The following RTL4 variants were observed in gnomAD, a reference collection of about 807,000 sequenced individuals.
RTL4 encodes the protein retrotransposon Gag like 4, also known as retrotransposon Gag-like protein 4.
In RTL4, 4 loss-of-function variants were observed where a neutral mutation model predicts 5.3. The ratio of observed to expected loss-of-function variants is 0.75; its 90% CI spans 0.37 to 1.72. The LOEUF (loss-of-function observed/expected upper bound fraction) is 1.72. Among genes scored for constraint, RTL4 ranks in the 40% most tolerant of loss-of-function variants. RTL4 has a pLI of 0.04. For synonymous variants in RTL4, 98 were observed against 87.3 expected (o/e 1.12, Z -0.68); for missense variants, 260 against 227.1 (o/e 1.14, Z -0.93).
chrX:112,425,889 C>A, the RTL4 span, among the ~76,000 whole-genome samples: 1 of 111,408 alleles, frequency 9.0e-6, no homozygotes, highest in Non-Finnish European at 1.9e-5. Flanking sequence ...CTTATCTTCC[C>A]ACTCTCTTAA....
chrX:112,328,931 G>A, the RTL4 span, among the ~76,000 whole-genome samples: 1 of 111,609 alleles, frequency 9.0e-6, no homozygotes, highest in Non-Finnish European at 1.9e-5. Context: ...CGAAATGAAG[G>A]CAAAAATAAA....
the RTL4 span, among the ~76,000 whole-genome samples, chrX:112,195,980 A>C: frequency 3.6e-4 from 40 of 111,481 alleles, no homozygotes; most frequent in African/African-American, 1.3e-3. Flanking sequence ...GTAGGGAGAG[A>C]TCTAACGCAC....
the RTL4 span, among the ~76,000 whole-genome samples, chrX:112,108,781 C>T: frequency 1.8e-5 from 2 of 111,013 alleles, no homozygotes; most frequent in African/African-American, 3.3e-5. Flanking sequence ...CTGGGCCATC[C>T]GAATTCATCC....
the RTL4 span, among the ~76,000 whole-genome samples, chrX:112,131,247 T>C: frequency 9.1e-6 from 1 of 110,419 alleles, no homozygotes; most frequent in Non-Finnish European, 1.9e-5. Context: ...GTTTCTGCTT[T>C]AAAGGAGACT....
the RTL4 span, among the ~76,000 whole-genome samples, chrX:112,127,057 T>G: frequency 3.6e-5 from 4 of 111,795 alleles, no homozygotes; most frequent in Non-Finnish European, 7.5e-5. Flanking sequence ...GCGAACACTT[T>G]TAATTTATTT....
the RTL4 span, among the ~76,000 whole-genome samples, chrX:112,171,894 A>G: frequency 6.2e-5 from 7 of 112,547 alleles, no homozygotes; most frequent in Admixed American, 6.6e-4. Context: ...TCTGCATGGC[A>G]AAATAAACTA....
At chrX:112,266,359 G>A in the RTL4 span, among the ~76,000 whole-genome samples, 1 of 111,051 alleles carries the variant, frequency 9.0e-6, no homozygotes, top group Non-Finnish European at 1.9e-5. Flanking sequence ...ACGACTGCAG[G>A]AGAAGGTCCA....
chrX:112,328,687 C>A, the RTL4 span, among the ~76,000 whole-genome samples: 2 of 111,898 alleles, frequency 1.8e-5, no homozygotes, highest in Non-Finnish European at 3.8e-5. Context: ...ATCTCCACCC[C>A]AAATCAACAG....
At chrX:112,397,673 C>T in the RTL4 span, among the ~76,000 whole-genome samples, 4 of 111,855 alleles carry the variant, frequency 3.6e-5, no homozygotes, top group Non-Finnish European at 7.5e-5. Flanking sequence ...CTTCTTTCAT[C>T]GGTGTCTTAC....
chrX:112,432,301 A>G, the RTL4 span, among the ~76,000 whole-genome samples: 27,458 of 79,617 alleles, frequency 0.34, 6,221 homozygotes, highest in African/African-American at 0.57. Context: ...CTGAGGAATC[A>G]CCACACTGAC....
chrX:112,268,619 ACCAG>A, the RTL4 span, among the ~76,000 whole-genome samples: 1 of 111,402 alleles, frequency 9.0e-6, no homozygotes, highest in Admixed American at 9.6e-5. Flanking sequence ...CAGGCCCTGT[ACCAG>A]CCTGTATCAA....
chrX:112,176,198 C>G, the RTL4 span, among the ~76,000 whole-genome samples: 1 of 111,759 alleles, frequency 8.9e-6, no homozygotes, highest in Non-Finnish European at 1.9e-5. Context: ...AGGAGAACTA[C>G]AAACCACTGC....
the RTL4 span, among the ~76,000 whole-genome samples, chrX:112,141,324 AT>A: frequency 3.6e-5 from 4 of 111,630 alleles, no homozygotes; most frequent in South Asian, 3.7e-4. Context: ...ATTGAATTGA[AT>A]TTTCTACATA....
the RTL4 span, among the ~76,000 whole-genome samples, chrX:112,427,993 G>A: frequency 9.2e-6 from 1 of 108,457 alleles, no homozygotes; most frequent in Non-Finnish European, 1.9e-5. Context: ...TCATAGCTTA[G>A]CTCCCACTTG....
the RTL4 span, among the ~76,000 whole-genome samples, chrX:112,090,679 T>C: frequency 9.0e-6 from 1 of 111,444 alleles, no homozygotes; most frequent in East Asian, 2.8e-4. Flanking sequence ...TTTGTACCTG[T>C]ATAAATAAGT....
At chrX:112,330,841 A>G in the RTL4 span, among the ~76,000 whole-genome samples, 29 of 110,722 alleles carry the variant, frequency 2.6e-4, no homozygotes, top group Non-Finnish European at 4.7e-4. Context: ...AGAGCCCTCA[A>G]AAATAACACC....
the RTL4 span, among the ~76,000 whole-genome samples, chrX:112,226,175 C>G: frequency 8.9e-6 from 1 of 111,928 alleles, no homozygotes; most frequent in Admixed American, 9.5e-5. Flanking sequence ...GGAATTTAAA[C>G]CCAGCTCTTT....
At chrX:112,416,461 C>T in the RTL4 span, among the ~76,000 whole-genome samples, 4 of 112,014 alleles carry the variant, frequency 3.6e-5, no homozygotes, top group South Asian at 3.7e-4. Flanking sequence ...CTGTGAGATA[C>T]GCACCTGCAA....
chrX:112,270,700 A>T, the RTL4 span, among the ~76,000 whole-genome samples: 6 of 111,142 alleles, frequency 5.4e-5, no homozygotes, highest in African/African-American at 1.6e-4. Flanking sequence ...AAATGGGTTG[A>T]CAATTAGGAG....
Sources: allele counts gnomAD v4.1 joint callset (sites outside exome capture counted in the v4.1 genomes callset), GRCh38; gene constraint gnomAD v4.1.1; transcripts MANE v1.5; gene names NCBI Gene and HGNC (gene_info 2026-07-23, HGNC 2026-07-21).